The following CAMK1D variants were observed in gnomAD, a reference collection of about 807,000 sequenced individuals.
CAMK1D encodes calcium/calmodulin dependent protein kinase ID.
Under a neutral mutation model 47.7 loss-of-function variants are expected in CAMK1D, and 9 were observed. That is an observed-to-expected ratio of 0.19 (90% CI 0.11 to 0.33). CAMK1D has a LOEUF of 0.33. Among genes scored for constraint, CAMK1D ranks in the 10% least tolerant of loss-of-function variants. The pLI, the probability that CAMK1D is intolerant of heterozygous loss-of-function variation, is 1.00. For missense variants in CAMK1D, 291 were observed against 488.7 expected (o/e 0.60, Z 3.81); for synonymous variants, 184 against 184.9 (o/e 0.99, Z 0.04).
intron 1 of CAMK1D, among the ~76,000 whole-genome samples, chr10:12,551,571 A>T (rs1311137188): frequency 6.6e-6 from 1 of 152,050 alleles, no homozygotes; most frequent in East Asian, 1.9e-4. Flanking sequence ...CCTGGGAAAC[A>T]TGGTGAAAAT....
At chr10:12,802,953 C>T (rs1229408598) in intron 6 of CAMK1D, among the ~76,000 whole-genome samples, 1 of 152,204 alleles carries the variant, frequency 6.6e-6, no homozygotes, top group Admixed American at 6.5e-5. Flanking sequence ...GGTGTTTCCC[C>T]ATCTTTGCAG....
intron 1 of CAMK1D, among the ~76,000 whole-genome samples, chr10:12,431,956 C>T (rs183086438): frequency 8.5e-5 from 13 of 152,366 alleles, no homozygotes; most frequent in Admixed American, 2.0e-4. Context: ...AGAGACCTGT[C>T]ATCCCTGGGG....
chr10:12,538,022 C>T (rs148069484), intron 1 of CAMK1D, among the ~76,000 whole-genome samples: 2 of 152,210 alleles, frequency 1.3e-5, no homozygotes, highest in African/African-American at 4.8e-5. Flanking sequence ...AATGCTAGGC[C>T]GAAGAACAAT....
chr10:12,421,919 C>T (rs1235112762), intron 1 of CAMK1D, among the ~76,000 whole-genome samples: 7 of 151,742 alleles, frequency 4.6e-5, no homozygotes, highest in South Asian at 2.1e-4. Context: ...TGGGTTCAGG[C>T]GATTATCCCG....
intron 6 of CAMK1D, 54 bp from the exon 7 acceptor site, chr10:12,814,141 G>C (rs1832710535): frequency 2.5e-6 from 3 of 1,182,428 alleles, no homozygotes; most frequent in Middle Eastern, 1.9e-4. Context: ...AAAGTGTACA[G>C]TCACCACACT....
At chr10:12,365,811 G>T (rs1184599365) in intron 1 of CAMK1D, among the ~76,000 whole-genome samples, 1 of 152,198 alleles carries the variant, frequency 6.6e-6, no homozygotes. Flanking sequence ...CCAGCACTTT[G>T]GGAGGCTGAG....
At chr10:12,546,980 T>A (rs1228191879) in intron 1 of CAMK1D, among the ~76,000 whole-genome samples, 2 of 151,560 alleles carry the variant, frequency 1.3e-5, no homozygotes, top group Admixed American at 6.6e-5. Context: ...AAAATATGGA[T>A]GAAGGTTAGG....
intron 10 of CAMK1D, among the ~76,000 whole-genome samples, chr10:12,828,073 TC>T (rs552229056): frequency 2.0e-4 from 31 of 152,330 alleles, no homozygotes; most frequent in Admixed American, 1.4e-3. Flanking sequence ...CTTTATTCCT[TC>T]TTAAAATACC....
chr10:12,470,704 A>C (rs948623896), intron 1 of CAMK1D, among the ~76,000 whole-genome samples: 2 of 152,068 alleles, frequency 1.3e-5, no homozygotes, highest in African/African-American at 4.8e-5. Context: ...TTTGGTAGAG[A>C]TAGGGTTTCA....
chr10:12,665,236 A>G (rs1840392141), intron 2 of CAMK1D, among the ~76,000 whole-genome samples: 2 of 152,242 alleles, frequency 1.3e-5, no homozygotes, highest in African/African-American at 4.8e-5. Context: ...TGCATTAACT[A>G]CTACAAGCTG....
chr10:12,532,936 A>C, intron 1 of CAMK1D, among the ~76,000 whole-genome samples: 1 of 116,564 alleles, frequency 8.6e-6, no homozygotes. Flanking sequence ...AATGGCTTCT[A>C]GAGACTGCGA....
intron 1 of CAMK1D, among the ~76,000 whole-genome samples, chr10:12,545,709 G>T (rs1314399866): frequency 6.6e-6 from 1 of 151,338 alleles, no homozygotes; most frequent in African/African-American, 2.4e-5. Flanking sequence ...CTGAGGCAGG[G>T]GAATCGCTTG....
rs1277574629 is a variant in CAMK1D at position 12,633,569 on chromosome 10, T to C, written c.225-33167T>C. Among the ~76,000 whole-genome samples the C allele has an allele frequency of 6.6e-5, 10 of 152,298 alleles. No individual in the cohort carries two copies. In the South Asian group the frequency reaches 1.9e-3, roughly 28 times the overall value. ...AACTGAAGAGTTACTCTTTTCTTAA[T>C]TTTTTGAGGTAGCATCTCACTCTGT... On this transcript the variant is annotated intron_variant, in intron 2 of 10. Transcript: ENST00000619168.
rs529577055 is a variant in CAMK1D, at chr10:12,733,045, C to T, written c.300-27903C>T. Reference sequence around the variant, plus strand: ...CATGCTTCCCAGCATATAGCAATTACGATACATACGATGTCACTCCCTGGT... The same window carrying T: ...CATGCTTCCCAGCATATAGCAATTATGATACATACGATGTCACTCCCTGGT... On this transcript the variant is annotated intron_variant, in intron 3 of 10. Coordinates refer to ENST00000619168, the MANE Select transcript of CAMK1D (RefSeq NM_153498.4). Among the ~76,000 whole-genome samples the T allele has an allele frequency of 9.2e-5, 14 of 152,324 alleles. No individual in the cohort carries two copies. The South Asian group carries it at 1.2e-3, about 14-fold the overall frequency.
At chr10:12,801,354 T>TTATCTATCTATCTATC (rs56165416) in intron 6 of CAMK1D, among the ~76,000 whole-genome samples, 1,888 of 66,354 alleles carry the variant, frequency 0.028, 85 homozygotes, top group Admixed American at 0.041. Context: ...TCTATCTATC[T>TTATCTATCTATCTATC]TATCTATCTA....
intron 2 of CAMK1D, among the ~76,000 whole-genome samples, chr10:12,651,988 C>T (rs1415974677): frequency 1.3e-5 from 2 of 150,354 alleles, no homozygotes; most frequent in Admixed American, 1.3e-4. Flanking sequence ...ACTGTGTTAG[C>T]CAGGATGGCC....
intron 1 of CAMK1D, among the ~76,000 whole-genome samples, chr10:12,509,629 T>C (rs1407947537): frequency 6.6e-6 from 1 of 152,172 alleles, no homozygotes; most frequent in Non-Finnish European, 1.5e-5. Flanking sequence ...TGCATGTCTG[T>C]CATCTCAGCT....
At chr10:12,508,874 T>C (rs1588568833) in intron 1 of CAMK1D, among the ~76,000 whole-genome samples, 2 of 152,264 alleles carry the variant, frequency 1.3e-5, no homozygotes, top group African/African-American at 4.8e-5. Flanking sequence ...TTAAGAAGAT[T>C]AAAGGAAACC....
intron 3 of CAMK1D, among the ~76,000 whole-genome samples, chr10:12,670,629 C>T (rs1036221497): frequency 6.6e-6 from 1 of 151,866 alleles, no homozygotes; most frequent in Admixed American, 6.6e-5. Flanking sequence ...CTCACTGCAA[C>T]CTCTGCCTCC....
Sources: allele counts gnomAD v4.1 joint callset (sites outside exome capture counted in the v4.1 genomes callset), GRCh38; gene constraint gnomAD v4.1.1; transcripts MANE v1.5; gene names NCBI Gene and HGNC (gene_info 2026-07-23, HGNC 2026-07-21).